The following MAPK10 variants were observed in gnomAD, a reference collection of about 807,000 sequenced individuals.
MAPK10 encodes JNK3 alpha protein kinase.
In MAPK10, 25 loss-of-function variants were observed where a neutral mutation model predicts 59.3. The observed-to-expected ratio is 0.42, with a 90% CI of 0.31 to 0.59. The LOEUF (loss-of-function observed/expected upper bound fraction) is 0.59, where lower values mean the gene tolerates loss of function less well. MAPK10 is among the 20% of genes least tolerant of loss of function. MAPK10 has a pLI of 0.15. For synonymous variants in MAPK10, 190 were observed against 200.5 expected (o/e 0.95, Z 0.44); for missense variants, 351 against 568.9 (o/e 0.62, Z 3.90).
upstream of MAPK10, among the ~76,000 whole-genome samples, chr4:86,363,298 T>A (rs1217362968): frequency 6.6e-6 from 1 of 152,172 alleles, no homozygotes; most frequent in Non-Finnish European, 1.5e-5. Context: ...TATGCCATTT[T>A]ATATAAGGGA....
intron 9 of MAPK10, among the ~76,000 whole-genome samples, chr4:86,075,790 T>C (rs369006446): frequency 6.6e-6 from 1 of 152,156 alleles, no homozygotes; most frequent in Non-Finnish European, 1.5e-5. Context: ...ACCACTGCTC[T>C]CTTCAAAGCT....
At chr4:86,018,219 A>G (rs567432130) in intron 13 of MAPK10, among the ~76,000 whole-genome samples, 1 of 152,364 alleles carries the variant, frequency 6.6e-6, no homozygotes, top group African/African-American at 2.4e-5. Context: ...AAGTTCAGAA[A>G]TCTGAATTAC....
intron 1 of MAPK10, among the ~76,000 whole-genome samples, chr4:86,541,226 T>C (rs1758671434): frequency 6.6e-6 from 1 of 152,038 alleles, no homozygotes; most frequent in Non-Finnish European, 1.5e-5. Context: ...TAGCAGAGAA[T>C]TGGGAGGTCC....
chr4:86,084,792 C>A (rs2051412300), intron 9 of MAPK10, among the ~76,000 whole-genome samples: 1 of 152,146 alleles, frequency 6.6e-6, no homozygotes, highest in Non-Finnish European at 1.5e-5. Flanking sequence ...ACAGCCAAAG[C>A]TATCCTAAGC....
At chr4:86,527,312 CAAAAAAAAAA>C (rs57390422) in intron 1 of MAPK10, among the ~76,000 whole-genome samples, 36 of 16,198 alleles carry the variant, frequency 2.2e-3, no homozygotes, top group East Asian at 7.9e-3. Flanking sequence ...ACACTGTTGC[CAAAAAAAAAA>C]AAAAAAAAAA....
At chr4:86,071,279 A>C (rs1033103100) in intron 9 of MAPK10, among the ~76,000 whole-genome samples, 2 of 149,476 alleles carry the variant, frequency 1.3e-5, no homozygotes, top group Non-Finnish European at 3.0e-5. Context: ...TTCATTGTAG[A>C]TTCTGGATAT....
chr4:86,160,318 A>G (rs746662408), intron 3 of MAPK10: 25 of 152,012 alleles, frequency 1.6e-4, no homozygotes, highest in Non-Finnish European at 3.2e-4. Flanking sequence ...CTATAGCTAG[A>G]AGGGACCTCA....
intron 1 of MAPK10, among the ~76,000 whole-genome samples, chr4:86,580,144 A>G (rs754098638): frequency 2.0e-5 from 3 of 152,186 alleles, no homozygotes; most frequent in Non-Finnish European, 4.4e-5. Context: ...ACTTAAAGAA[A>G]AAGTGTACTT....
intron 1 of MAPK10, among the ~76,000 whole-genome samples, chr4:86,390,264 A>C (rs1169094036): frequency 6.6e-6 from 1 of 152,244 alleles, no homozygotes; most frequent in East Asian, 1.9e-4. Context: ...GAAAAGGAAG[A>C]TGATAAAAAG....
chr4:86,411,797 G>A (rs187574994), intron 1 of MAPK10, among the ~76,000 whole-genome samples: 23 of 152,238 alleles, frequency 1.5e-4, no homozygotes, highest in Non-Finnish European at 3.1e-4. Context: ...GTGCGTCTTC[G>A]CCTGTGAGAT....
chr4:86,085,268 C>G (rs1255702346), intron 9 of MAPK10, among the ~76,000 whole-genome samples: 1 of 152,000 alleles, frequency 6.6e-6, no homozygotes, highest in Non-Finnish European at 1.5e-5. Context: ...AAGCTAAAAA[C>G]TTCTGCACAG....
Position 86,070,853 on chromosome 4 carries a change from C to T in MAPK10, c.803-2898G>A, listed in dbSNP as rs1425839742. Among the ~76,000 whole-genome samples, 5 of 151,976 alleles carry T rather than the reference C, an allele frequency of 3.3e-5. No individual in the cohort carries two copies. The East Asian group carries it at 5.8e-4, about 18-fold the overall frequency. On this transcript the variant is annotated intron_variant, in intron 9 of 13. Transcript: ENST00000641462. ...TGTGAATAATGCCATAATAAAAATA[C>T]GTGTGCATGTGTCTTTATAGCAGCA...
chr4:86,142,687 T>C (rs1269997823), intron 4 of MAPK10, among the ~76,000 whole-genome samples: 1 of 152,180 alleles, frequency 6.6e-6, no homozygotes, highest in Non-Finnish European at 1.5e-5. Flanking sequence ...CACACTGATT[T>C]GAAGCAAAGC....
chr4:86,314,894 T>C (rs542940981), intron 2 of MAPK10, among the ~76,000 whole-genome samples: 8 of 152,272 alleles, frequency 5.3e-5, no homozygotes, highest in African/African-American at 1.7e-4. Context: ...CTTTGTGCCA[T>C]AAAATTTTCT....
intron 5 of MAPK10, among the ~76,000 whole-genome samples, chr4:86,106,390 T>C (rs1047399129): frequency 6.6e-6 from 1 of 150,794 alleles, no homozygotes; most frequent in African/African-American, 2.4e-5. Flanking sequence ...AAGTTATCTT[T>C]TGATTTTTAA....
chr4:86,234,129 G>T (rs1333781990), intron 2 of MAPK10, among the ~76,000 whole-genome samples: 1 of 152,134 alleles, frequency 6.6e-6, no homozygotes, highest in Non-Finnish European at 1.5e-5. Flanking sequence ...GAATGGATTA[G>T]CTAAGAGACT....
At chr4:86,205,278 C>T (rs922815402) in intron 2 of MAPK10, among the ~76,000 whole-genome samples, 53 of 151,914 alleles carry the variant, frequency 3.5e-4, no homozygotes, top group African/African-American at 1.2e-3. Flanking sequence ...GAGAAACTCC[C>T]CAAGAAAATA....
At chr4:86,021,669 C>A (rs1039659469) in intron 13 of MAPK10, among the ~76,000 whole-genome samples, 6 of 152,212 alleles carry the variant, frequency 3.9e-5, no homozygotes, top group African/African-American at 1.2e-4. Context: ...TGGTGCTCGT[C>A]GGGGAGGCTC....
At chr4:86,459,224 T>A (rs769813267) in intron 1 of MAPK10, among the ~76,000 whole-genome samples, 16 of 152,154 alleles carry the variant, frequency 1.1e-4, no homozygotes, top group Non-Finnish European at 2.1e-4. Context: ...ACCACCTTAC[T>A]CTTGCAAGAA....
Sources: gnomAD v4.1 joint callset for allele counts (sites outside exome capture counted in the v4.1 genomes callset) on GRCh38, gnomAD v4.1.1 for gene constraint, MANE v1.5 for transcripts, NCBI Gene and HGNC (gene_info 2026-07-23, HGNC 2026-07-21) for gene names.